Variants in CWC25 observed in about 807,000 individuals in gnomAD.
CWC25 encodes pre-mRNA-splicing factor CWC25 homolog.
In CWC25, 31 loss-of-function variants were observed where a neutral mutation model predicts 54.6. That is an observed-to-expected ratio of 0.57 (90% CI 0.43 to 0.77). The LOEUF (loss-of-function observed/expected upper bound fraction) is 0.77. CWC25 is among the 30% of genes least tolerant of loss of function. The pLI, the probability that CWC25 is intolerant of heterozygous loss-of-function variation, is 0.00. For synonymous variants in CWC25, 151 were observed against 187.0 expected (o/e 0.81, Z 1.57); for missense variants, 453 against 529.3 (o/e 0.86, Z 1.41).
intron 1 of CWC25, 92 bp downstream of exon 1, chr17:38,825,074 G>T: frequency 1.7e-6 from 2 of 1,202,308 alleles, no homozygotes; most frequent in South Asian, 1.6e-5. Flanking sequence ...AAGCTGCGTT[G>T]CCATGGTTAT....
chr17:38,818,588 CAAAAAAAA>C lies in CWC25; in HGVS notation c.191+2305_191+2312del, dbSNP rs56382375. 1.5e-3 allele frequency among the ~76,000 whole-genome samples: 72 copies of C among 48,496 alleles called. 1 individual carries two copies. Among genetic ancestry groups the C allele is most frequent in the African/African-American group, 6.3e-3 (68 of 10,742 alleles). 31.8% of individuals were successfully genotyped at this position (48,496 alleles called of 152,430 possible). ...TGGACAACAGAGCGAGACTCCATCT[CAAAAAAAA>C]AAAAAAAAAAAAAAAAAAGAACTAT... On this transcript the variant is annotated intron_variant, in intron 2 of 9. Coordinates refer to ENST00000614790, the MANE Select transcript of CWC25 (RefSeq NM_017748.5).
In CWC25 at chr17:38,817,225, AG is replaced by A. The variant is rs35560798; in HGVS notation, c.192-2129del. ...CGTGGTGGTACACGCCTGTAGTCCC[AG>A]CTACTCGGGAGGCTGAGGGAGGAGA... On this transcript the variant is annotated intron_variant, in intron 2 of 9. Transcript: ENST00000614790. Among the ~76,000 whole-genome samples, 106 of 151,362 alleles carry A rather than the reference AG, an allele frequency of 7.0e-4. 1 individual carries two copies. The highest frequency in any genetic ancestry group is 2.0e-3 in the African/African-American group (82 of 41,256).
Position 38,801,443 on chromosome 17 carries a change from C to G in CWC25, c.*649G>C, listed in dbSNP as rs1911022559. On this transcript the variant is annotated 3_prime_UTR_variant, in exon 10 of 10. Coordinates refer to ENST00000614790, the MANE Select transcript of CWC25 (RefSeq NM_017748.5). ...TCAAGGTTCAATGTGGTTCTATTACCCAGTAAAGTCATTGACCAAACAAGG... is the reference window on the plus strand; with the variant it reads ...TCAAGGTTCAATGTGGTTCTATTACGCAGTAAAGTCATTGACCAAACAAGG... The G allele has an allele frequency of 6.6e-6, 1 of 152,086 alleles. No homozygotes were observed. The highest frequency in any genetic ancestry group is 2.4e-5 in the African/African-American group (1 of 41,402). 9.4% of individuals were successfully genotyped at this position (152,086 alleles called of 1,614,324 possible).
In CWC25 at chr17:38,809,441, AC is replaced by A. The variant is rs1327440621; in HGVS notation, c.690+260del. Among the ~76,000 whole-genome samples the A allele has an allele frequency of 3.1e-4, 47 of 150,580 alleles. No homozygotes were observed. In the East Asian group the frequency reaches 7.2e-3, roughly 23 times the overall value. ...GACTCCGTCTCAAAAAAAAAAAAAAACAAAAAAACCTATACACTTAAAATGT... is the reference window on the plus strand; with the variant it reads ...GACTCCGTCTCAAAAAAAAAAAAAAAAAAAAAACCTATACACTTAAAATGT... On this transcript the variant is annotated intron_variant, in intron 6 of 9. Coordinates refer to ENST00000614790, the MANE Select transcript of CWC25 (RefSeq NM_017748.5).
chr17:38,812,922 T>A, intron 3 of CWC25, 58 bp from the exon 4 acceptor site: 2 of 951,124 alleles, frequency 2.1e-6, no homozygotes, highest in Non-Finnish European at 3.3e-6. Flanking sequence ...TTCTATGGAG[T>A]AACCTTTTCT....
In CWC25 at chr17:38,810,550, T is replaced by C; in HGVS notation, c.544A>G (p.Lys182Glu). 1 of 1,584,564 alleles carries C rather than the reference T, an allele frequency of 6.3e-7. No homozygotes were observed. The highest frequency in any genetic ancestry group is 8.6e-7 in the Non-Finnish European group (1 of 1,162,278). ...EKKEKKKKKE[K>E]KKKHKKHKHR... The stretch of plus-strand genomic sequence containing the variant: ...TTATGTTTCTTGTGCTTCTTTTTCT[T>C]CTCCTTCTTTTTCTTCTTCTCCTTT... Residue 182 changes from lysine (K) to glutamate (E), a missense_variant, in exon 5 of 10, where the codon AAG (lysine) becomes GAG (glutamate). By Grantham distance (56) the Lys-to-Glu change is moderately conservative. This residue lies in a region of CWC25 where 444 missense variants were observed against 499.2 expected (regional missense o/e 0.89). Transcript: ENST00000614790.
Position 38,814,851 on chromosome 17 carries a change from C to T in CWC25, c.428+10G>A. 6.2e-7 allele frequency: 1 copy of T among 1,605,102 alleles called. No individual in the cohort carries two copies. Among genetic ancestry groups the T allele is most frequent in the Non-Finnish European group, 8.5e-7 (1 of 1,172,998 alleles). ...TGTAACAAACCCCCTTCCTAGCCCC[C>T]CATTAGTACCTGATGATGAAGAGTG... On this transcript the variant is annotated intron_variant, in intron 3 of 9. Transcript: ENST00000614790.
intron 2 of CWC25, among the ~76,000 whole-genome samples, chr17:38,817,910 G>A (rs1436370762): frequency 4.0e-5 from 6 of 151,838 alleles, no homozygotes; most frequent in Admixed American, 6.6e-5. Context: ...AGGCTGCAGT[G>A]AGCGGAGATT....
At chr17:38,806,632 G>T in intron 7 of CWC25, 133 bp downstream of exon 7, 3 of 863,594 alleles carry the variant, frequency 3.5e-6, no homozygotes, top group Non-Finnish European at 5.2e-6. Flanking sequence ...AAAAAAAAAT[G>T]ATGTAAAGGA....
intron 1 of CWC25, among the ~76,000 whole-genome samples, chr17:38,821,772 A>T (rs909240653): frequency 1.4e-5 from 2 of 145,978 alleles, no homozygotes; most frequent in Non-Finnish European, 3.0e-5. Context: ...CTGACAGTGG[A>T]CATTCATTCT....
rs1912092788 is a variant in CWC25 at position 38,825,159 on chromosome 17, C to T, written c.18+7G>A. 6.3e-7 allele frequency: 1 copy of T among 1,576,460 alleles called. No homozygotes were observed. Among genetic ancestry groups the T allele is most frequent in the African/African-American group, 1.4e-5 (1 of 73,950 alleles). On this transcript the variant is annotated splice_region_variant and intron_variant, in intron 1 of 9. Coordinates refer to ENST00000614790, the MANE Select transcript of CWC25 (RefSeq NM_017748.5). ...GTCCTCCCCCGCCCAGGCCTCCCTC[C>T]ACTCACCAGGTCTCCGCCCCCCATG... is the stretch of plus-strand genomic sequence containing the variant.
chr17:38,804,241 A>G lies in CWC25; in HGVS notation c.1002-1380T>C, dbSNP rs776416571. On this transcript the variant is annotated intron_variant, in intron 8 of 9. Transcript: ENST00000614790. ...AACAATATTTATATATCATACAAGTATGAATCCACATACTCACTGAACCAA... is the reference window on the plus strand; with the variant it reads ...AACAATATTTATATATCATACAAGTGTGAATCCACATACTCACTGAACCAA... Among the ~76,000 whole-genome samples the G allele has an allele frequency of 9.0e-4, 137 of 152,278 alleles. 1 individual carries two copies. Among genetic ancestry groups the G allele is most frequent in the Non-Finnish European group, 3.4e-4 (23 of 68,028 alleles).
At chr17:38,802,942 G>A in intron 8 of CWC25, 81 bp from the exon 9 acceptor site, 5 of 1,538,994 alleles carry the variant, frequency 3.2e-6, no homozygotes, top group Non-Finnish European at 4.4e-6. Context: ...GAAGCCAGGT[G>A]GGACCCCAAG....
At chr17:38,805,672 G>A (rs1325219155) in intron 8 of CWC25, among the ~76,000 whole-genome samples, 4 of 151,974 alleles carry the variant, frequency 2.6e-5, no homozygotes, top group East Asian at 1.9e-4. Context: ...TCGCTCTGTC[G>A]CCCAAGCAAG....
intron 8 of CWC25, among the ~76,000 whole-genome samples, chr17:38,804,054 G>T (rs1178435032): frequency 1.3e-5 from 2 of 151,960 alleles, no homozygotes; most frequent in Non-Finnish European, 2.9e-5. Flanking sequence ...GGAGAAGAAA[G>T]AAGTTATCAA....
intron 3 of CWC25, 60 bp downstream of exon 3, chr17:38,814,801 G>A (rs1911632044): frequency 2.1e-6 from 2 of 950,724 alleles, no homozygotes; most frequent in African/African-American, 3.6e-5. Flanking sequence ...GAGAATCAAT[G>A]GCCTTAGCAG....
intron 6 of CWC25, among the ~76,000 whole-genome samples, chr17:38,809,321 G>T (rs988540649): frequency 1.1e-4 from 16 of 151,508 alleles, no homozygotes; most frequent in African/African-American, 3.9e-4. Flanking sequence ...CCAGCTACTC[G>T]GGAGGCTAAA....
rs1911025355 is a variant in CWC25, at chr17:38,801,511, G to A, written c.*581C>T. ...CCTTTTTTAAAAGCATGTAAAAATTGTACATTTGTACATATACGCATTACA... is the reference window on the plus strand; with the variant it reads ...CCTTTTTTAAAAGCATGTAAAAATTATACATTTGTACATATACGCATTACA... On this transcript the variant is annotated 3_prime_UTR_variant, in exon 10 of 10. Coordinates refer to ENST00000614790, the MANE Select transcript of CWC25 (RefSeq NM_017748.5). 6.6e-6 allele frequency: 1 copy of A among 152,126 alleles called. No homozygotes were observed. The highest frequency in any genetic ancestry group is 2.4e-5 in the African/African-American group (1 of 41,418). 9.4% of individuals were successfully genotyped at this position (152,126 alleles called of 1,614,324 possible).
intron 5 of CWC25, 169 bp downstream of exon 5, chr17:38,810,299 A>G: frequency 3.0e-6 from 2 of 659,782 alleles, no homozygotes; most frequent in Non-Finnish European, 2.5e-6. Context: ...AAGGAACTCT[A>G]GCATTAGATG....
Sources: allele counts gnomAD v4.1 joint callset (sites outside exome capture counted in the v4.1 genomes callset), GRCh38; gene constraint gnomAD v4.1.1; regional missense constraint gnomAD v4.1.1; transcripts MANE v1.5; gene names NCBI Gene and HGNC (gene_info 2026-07-23, HGNC 2026-07-21).